Variants in KANK1 observed in about 807,000 individuals in gnomAD.
KANK1 encodes KN motif and ankyrin repeat domain-containing protein 1.
A neutral mutation model predicts 106.2 loss-of-function variants in KANK1; 109 were observed. The observed-to-expected ratio is 1.03, with a 90% CI of 0.88 to 1.20. The LOEUF is 1.20. Ranked by LOEUF, KANK1 falls within the 50% of genes most tolerant of loss-of-function variation. The pLI, the probability that KANK1 is intolerant of heterozygous loss-of-function variation, is 0.00. For synonymous variants in KANK1, 873 were observed against 652.2 expected, an observed-to-expected ratio of 1.34 and a Z score of -5.16; for missense variants, 2,399 against 1,710.7, an observed-to-expected ratio of 1.40 and a Z score of -7.10.
Position 617,908 on chromosome 9 carries a change from C to T in KANK1, c.-83-58982C>T, listed in dbSNP as rs189278659. On this transcript the variant is annotated intron_variant, in intron 1 of 11. Transcript: ENST00000382297. The stretch of plus-strand genomic sequence containing the variant: ...TGGAATTTCTTACTGAAAGAGGGTG[C>T]GGGCAGAATGGAGGATGACATGAAT... 3.9e-5 allele frequency among the ~76,000 whole-genome samples: 6 copies of T among 152,188 alleles called. No individual in the cohort carries two copies. In the East Asian group the frequency reaches 9.6e-4, roughly 24 times the overall value.
At chr9:582,119 C>T (rs1196274735) in intron 1 of KANK1, among the ~76,000 whole-genome samples, 1 of 152,148 alleles carries the variant, frequency 6.6e-6, no homozygotes, top group Non-Finnish European at 1.5e-5. Context: ...GTGCAAGAGG[C>T]GCTGCTTCTC....
chr9:649,870 T>C (rs1039236744), intron 1 of KANK1, among the ~76,000 whole-genome samples: 3 of 152,192 alleles, frequency 2.0e-5, no homozygotes, highest in Non-Finnish European at 4.4e-5. Context: ...ACAGTTGCGA[T>C]GCAGCTTGAA....
At chr9:724,757 G>A (rs569827956) in intron 3 of KANK1, among the ~76,000 whole-genome samples, 8 of 151,562 alleles carry the variant, frequency 5.3e-5, no homozygotes, top group South Asian at 2.1e-4. Flanking sequence ...AGCAGAGATC[G>A]CGCCACTGCA....
At chr9:583,285 TAA>T in intron 1 of KANK1, among the ~76,000 whole-genome samples, 1 of 152,280 alleles carries the variant, frequency 6.6e-6, no homozygotes, top group African/African-American at 2.4e-5. Context: ...ATTTTATCTG[TAA>T]AAGAGGAATG....
intron 3 of KANK1, among the ~76,000 whole-genome samples, chr9:474,852 C>T (rs187110416): frequency 6.6e-6 from 1 of 152,258 alleles, no homozygotes; most frequent in East Asian, 1.9e-4. Flanking sequence ...ACTTCAGTAT[C>T]TCTGAGAATA....
chr9:509,645 A>G (rs1239806702), intron 1 of KANK1, among the ~76,000 whole-genome samples: 4 of 152,190 alleles, frequency 2.6e-5, no homozygotes, highest in Non-Finnish European at 5.9e-5. Flanking sequence ...TTACTAGTAC[A>G]TACCGTTGTG....
At position 711,741 on chromosome 9, in the gene KANK1, T is replaced by A. The variant is rs1354509417; in HGVS notation, c.975T>A (p.Ser325Arg). 4 of 1,613,988 alleles carry A rather than the reference T, an allele frequency of 2.5e-6. No individual in the cohort carries two copies. In the Admixed American group the frequency reaches 5.0e-5, roughly 20 times the overall value. The change falls in exon 3 of 12, where the codon AGT becomes AGA. Residue 325 changes from serine (S) to arginine (R), a missense_variant. Ser to Arg is a moderately radical substitution (Grantham distance 110). Coordinates refer to ENST00000382297, the MANE Select transcript of KANK1 (RefSeq NM_015158.5). Reference sequence around the variant, plus strand: ...GTGGTGTGAGGAAGCGGTCCTATAGTGCGGGGAACGCCTCCCAGCTGGAAC... The same window carrying A: ...GTGGTGTGAGGAAGCGGTCCTATAGAGCGGGGAACGCCTCCCAGCTGGAAC... ...NVCGVRKRSY[S>R]AGNASQLEQL...
chr9:655,583 T>G (rs1055610271), intron 1 of KANK1, among the ~76,000 whole-genome samples: 1 of 152,148 alleles, frequency 6.6e-6, no homozygotes, highest in Non-Finnish European at 1.5e-5. Context: ...AAAATGCTGC[T>G]TTTTTAAATC....
chr9:599,176 G>A (rs975358209), intron 1 of KANK1, among the ~76,000 whole-genome samples: 4 of 150,562 alleles, frequency 2.7e-5, no homozygotes, highest in East Asian at 2.0e-4. Flanking sequence ...ACACCACCAT[G>A]CTTGACTAAT....
In KANK1 at chr9:562,216, C is replaced by T. The variant is rs4742096; in HGVS notation, c.-84+57462C>T. Among the ~76,000 whole-genome samples, 3 of 150,794 alleles carry T rather than the reference C, an allele frequency of 2.0e-5. No homozygotes were observed. The South Asian group carries it at 6.4e-4, about 32-fold the overall frequency. ...TACAGGCGCCCGCCACCGCGCCCGG[C>T]TAATTTTTTGTATTTTTAGTAGAGA... On this transcript the variant is annotated intron_variant, in intron 1 of 11. Coordinates refer to ENST00000382297, the MANE Select transcript of KANK1 (RefSeq NM_015158.5).
rs540455592 is a variant in KANK1, at chr9:732,772, G to C, written c.3245+155G>C. On this transcript the variant is annotated intron_variant, in intron 6 of 11. Coordinates refer to ENST00000382297, the MANE Select transcript of KANK1 (RefSeq NM_015158.5). ...TGAGATACTAATATATACAAGTGCA[G>C]AGTATTACAACTCTTAGATCTCTTA... 38 of 792,104 alleles carry C rather than the reference G, an allele frequency of 4.8e-5. No homozygotes were observed. The South Asian group carries it at 7.0e-4, about 14-fold the overall frequency. 49.1% of individuals were successfully genotyped at this position (792,104 alleles called of 1,614,324 possible).
At chr9:710,410 G>A (rs977021985) in intron 2 of KANK1, among the ~76,000 whole-genome samples, 6 of 152,024 alleles carry the variant, frequency 3.9e-5, no homozygotes, top group Admixed American at 3.3e-4. Flanking sequence ...CTAAGGTCAG[G>A]AGTTCGAGAC....
intron 3 of KANK1, among the ~76,000 whole-genome samples, chr9:475,388 G>A (rs2132069566): frequency 6.6e-6 from 1 of 152,314 alleles, no homozygotes; most frequent in East Asian, 1.9e-4. Flanking sequence ...CAACCTGTAA[G>A]ACCGCAAGTC....
chr9:530,615 T>C (rs1215899293), intron 1 of KANK1, among the ~76,000 whole-genome samples: 2 of 152,232 alleles, frequency 1.3e-5, no homozygotes, highest in Non-Finnish European at 2.9e-5. Context: ...GTTAAGAATA[T>C]GTTTGTATTA....
chr9:473,909 A>G (rs2058062141), intron 3 of KANK1, among the ~76,000 whole-genome samples: 1 of 152,172 alleles, frequency 6.6e-6, no homozygotes, highest in South Asian at 2.1e-4. Flanking sequence ...CATGTTGGCC[A>G]GGATGGTCTC....
intron 2 of KANK1, among the ~76,000 whole-genome samples, chr9:702,684 A>T (rs1479856099): frequency 6.6e-6 from 1 of 152,148 alleles, no homozygotes; most frequent in African/African-American, 2.4e-5. Flanking sequence ...CGTCAGTCTC[A>T]CGCACGCACA....
At chr9:681,913 T>G (rs565557101) in intron 2 of KANK1, among the ~76,000 whole-genome samples, 5 of 152,208 alleles carry the variant, frequency 3.3e-5, no homozygotes, top group Non-Finnish European at 7.3e-5. Context: ...TCTTTCTTTT[T>G]TTGCAGCCTG....
intron 3 of KANK1, among the ~76,000 whole-genome samples, chr9:475,774 G>C (rs2058092155): frequency 6.6e-6 from 1 of 152,160 alleles, no homozygotes; most frequent in South Asian, 2.1e-4. Flanking sequence ...AAGAATCTCT[G>C]TTAACATAGC....
intron 3 of KANK1, among the ~76,000 whole-genome samples, chr9:726,325 C>G (rs1454967264): frequency 1.3e-5 from 2 of 152,122 alleles, no homozygotes; most frequent in African/African-American, 4.8e-5. Context: ...GCCCATTGAT[C>G]TTTTCTAGTT....
Sources: gnomAD v4.1 joint callset for allele counts (sites outside exome capture counted in the v4.1 genomes callset) on GRCh38, gnomAD v4.1.1 for gene constraint, MANE v1.5 for transcripts, NCBI Gene and HGNC (gene_info 2026-07-23, HGNC 2026-07-21) for gene names.